Variants in DLC1 observed in about 807,000 individuals in gnomAD.
The protein encoded by DLC1 is DLC1 Rho GTPase activating protein, also known as rho GTPase-activating protein 7.
In DLC1, 54 loss-of-function variants were observed where a neutral mutation model predicts 140.3. That is an observed-to-expected ratio of 0.38 (90% CI 0.31 to 0.48). The LOEUF is 0.48. Among genes scored for constraint, DLC1 ranks in the 20% least tolerant of loss-of-function variants. DLC1 has a pLI of 0.96. For synonymous variants in DLC1, 986 were observed against 728.1 expected (o/e 1.35, Z -5.70); for missense variants, 2,536 against 1,907.0 (o/e 1.33, Z -6.14).
At chr8:13,402,561 G>T (rs1837344521) in intron 2 of DLC1, among the ~76,000 whole-genome samples, 1 of 152,200 alleles carries the variant, frequency 6.6e-6, no homozygotes, top group Non-Finnish European at 1.5e-5. Flanking sequence ...CATCATTTGT[G>T]ACTTATGTTG....
At chr8:13,455,912 C>G (rs574029564) in intron 2 of DLC1, among the ~76,000 whole-genome samples, 1 of 152,068 alleles carries the variant, frequency 6.6e-6, no homozygotes, top group African/African-American at 2.4e-5. Flanking sequence ...AAAATAAATA[C>G]AAATATGGAA....
At chr8:13,142,424 A>G (rs1387525206) in intron 5 of DLC1, among the ~76,000 whole-genome samples, 1 of 152,218 alleles carries the variant, frequency 6.6e-6, no homozygotes, top group Admixed American at 6.5e-5. Flanking sequence ...AAATAAATAT[A>G]TTAAGGCAAA....
At chr8:13,271,696 T>A (rs1830936955) in intron 5 of DLC1, among the ~76,000 whole-genome samples, 1 of 152,238 alleles carries the variant, frequency 6.6e-6, no homozygotes, top group Admixed American at 6.5e-5. Flanking sequence ...TTTACTTTCC[T>A]TTTTAGAAGA....
At chr8:13,125,191 G>T (rs909705606) in intron 5 of DLC1, among the ~76,000 whole-genome samples, 1 of 152,260 alleles carries the variant, frequency 6.6e-6, no homozygotes, top group East Asian at 1.9e-4. Context: ...TGGCCAGGCT[G>T]GTCTCAAACT....
At chr8:13,547,476 A>G (rs1244398007) in intron 1 of DLC1, among the ~76,000 whole-genome samples, 1 of 152,006 alleles carries the variant, frequency 6.6e-6, no homozygotes, top group Non-Finnish European at 1.5e-5. Context: ...CAGAAATGTC[A>G]CTGTCTTAAG....
intron 2 of DLC1, among the ~76,000 whole-genome samples, chr8:13,434,129 G>A (rs550293477): frequency 1.3e-5 from 2 of 152,064 alleles, no homozygotes; most frequent in East Asian, 1.9e-4. Flanking sequence ...CACCTGCCTC[G>A]GCCTCCCAAA....
chr8:13,556,152 G>C (rs1374621334), intron 1 of DLC1, among the ~76,000 whole-genome samples: 2 of 152,112 alleles, frequency 1.3e-5, no homozygotes, highest in African/African-American at 4.8e-5. Flanking sequence ...TTGATTATCA[G>C]AATGTATAAG....
chr8:13,405,050 T>C (rs559893611), intron 2 of DLC1, among the ~76,000 whole-genome samples: 1 of 152,084 alleles, frequency 6.6e-6, no homozygotes, highest in Admixed American at 6.5e-5. Context: ...TGGAGGATTT[T>C]TTTTTTTTAG....
At chr8:13,310,227 T>C (rs1832619593) in intron 4 of DLC1, among the ~76,000 whole-genome samples, 1 of 152,238 alleles carries the variant, frequency 6.6e-6, no homozygotes. Context: ...CAGAGCTTTC[T>C]TTTACATGAT....
Position 13,445,845 on chromosome 8 carries a change from A to C in DLC1, c.1024-44226T>G, listed in dbSNP as rs141538310. On this transcript the variant is annotated intron_variant, in intron 2 of 17. Transcript: ENST00000276297. ...GAAATTTCTCCAAGGAGCCAAAGTT[A>C]AGCATATCTATGTGCTATTGAGAGA... Among the ~76,000 whole-genome samples, 932 of 152,336 alleles carry C rather than the reference A, an allele frequency of 6.1e-3. 7 individuals carry two copies. The highest frequency in any genetic ancestry group is 0.019 in the African/African-American group (796 of 41,580).
chr8:13,230,420 T>G (rs1176175880), intron 5 of DLC1, among the ~76,000 whole-genome samples: 2 of 152,172 alleles, frequency 1.3e-5, no homozygotes, highest in African/African-American at 4.8e-5. Context: ...TTGTTAAATT[T>G]AAAAAGCAAA....
At chr8:13,409,801 C>G (rs909534517) in intron 2 of DLC1, among the ~76,000 whole-genome samples, 1 of 152,070 alleles carries the variant, frequency 6.6e-6, no homozygotes, top group Non-Finnish European at 1.5e-5. Context: ...TTTTCAATAG[C>G]GGCAGATTGT....
intron 5 of DLC1, among the ~76,000 whole-genome samples, chr8:13,274,626 G>T (rs984230750): frequency 1.4e-4 from 21 of 152,132 alleles, no homozygotes; most frequent in Non-Finnish European, 2.4e-4. Flanking sequence ...AGAAGAAAGA[G>T]AACAACTTTC....
At chr8:13,200,199 C>T (rs138633248) in intron 5 of DLC1, among the ~76,000 whole-genome samples, 60 of 151,896 alleles carry the variant, frequency 4.0e-4, no homozygotes, top group African/African-American at 1.2e-3. Context: ...TATGCTACCA[C>T]GCCCTGCAAA....
chr8:13,126,123 C>T (rs1821540084), intron 5 of DLC1, among the ~76,000 whole-genome samples: 1 of 152,118 alleles, frequency 6.6e-6, no homozygotes, highest in Non-Finnish European at 1.5e-5. Context: ...AATTTGAGCC[C>T]ATGAGGGACA....
At chr8:13,126,107 T>C (rs1821537664) in intron 5 of DLC1, among the ~76,000 whole-genome samples, 1 of 152,160 alleles carries the variant, frequency 6.6e-6, no homozygotes, top group South Asian at 2.1e-4. Flanking sequence ...GCAACAGCTC[T>C]GGATGAATTT....
chr8:13,119,598 A>G (rs1820862601), intron 5 of DLC1, among the ~76,000 whole-genome samples: 1 of 152,144 alleles, frequency 6.6e-6, no homozygotes, highest in African/African-American at 2.4e-5. Context: ...TGGATTACTA[A>G]TATCTCTGAG....
chr8:13,207,332 G>A (rs184905822), intron 5 of DLC1, among the ~76,000 whole-genome samples: 224 of 152,232 alleles, frequency 1.5e-3, no homozygotes, highest in African/African-American at 5.3e-3. Flanking sequence ...TGTTAGGCTA[G>A]ATAAAAATTT....
intron 1 of DLC1, among the ~76,000 whole-genome samples, chr8:13,565,487 T>C (rs553465906): frequency 6.6e-6 from 1 of 152,342 alleles, no homozygotes; most frequent in South Asian, 2.1e-4. Flanking sequence ...ACATGCCACC[T>C]CTTTTTTAAA....
Sources: gnomAD v4.1 joint callset for allele counts (sites outside exome capture counted in the v4.1 genomes callset) on GRCh38, gnomAD v4.1.1 for gene constraint, MANE v1.5 for transcripts, NCBI Gene and HGNC (gene_info 2026-07-23, HGNC 2026-07-21) for gene names.